The following NLK variants were observed in gnomAD, a reference collection of about 807,000 sequenced individuals.
The protein encoded by NLK is serine/threonine-protein kinase NLK.
Under a neutral mutation model 59.0 loss-of-function variants are expected in NLK, and 11 were observed. The ratio of observed to expected loss-of-function variants is 0.19; its 90% CI spans 0.12 to 0.31. NLK has a LOEUF of 0.31. Ranked by LOEUF, NLK falls within the 10% of genes least tolerant of loss-of-function variation. NLK has a pLI of 1.00. For missense variants in NLK, 410 were observed against 661.1 expected (o/e 0.62, Z 4.16); for synonymous variants, 235 against 235.9 (o/e 1.00, Z 0.03).
At chr17:28,078,550 C>G (rs1266239556) in intron 1 of NLK, among the ~76,000 whole-genome samples, 1 of 152,100 alleles carries the variant, frequency 6.6e-6, no homozygotes, top group East Asian at 1.9e-4. Context: ...ATTGTTATCT[C>G]TTTCTGCCAG....
chr17:28,184,516 G>A (rs962660849), intron 7 of NLK, among the ~76,000 whole-genome samples: 33 of 152,038 alleles, frequency 2.2e-4, no homozygotes, highest in East Asian at 1.7e-3. Flanking sequence ...TCCCGTGTAC[G>A]CACGATAAAT....
chr17:28,043,621 T>C (rs2142727028), intron 1 of NLK, among the ~76,000 whole-genome samples: 1 of 152,368 alleles, frequency 6.6e-6, no homozygotes, highest in Non-Finnish European at 1.5e-5. Context: ...GATCAGTAGA[T>C]GAATGTATGC....
chr17:28,114,767 A>G (rs1310699848), intron 1 of NLK, among the ~76,000 whole-genome samples: 1 of 152,118 alleles, frequency 6.6e-6, no homozygotes, highest in Non-Finnish European at 1.5e-5. Flanking sequence ...TTGTTTTTCC[A>G]TGTGGATATT....
intron 3 of NLK, among the ~76,000 whole-genome samples, chr17:28,134,105 A>T (rs1158821181): frequency 6.6e-6 from 1 of 152,146 alleles, no homozygotes; most frequent in Non-Finnish European, 1.5e-5. Flanking sequence ...AAAAAAATAA[A>T]AAGTATAGTG....
Position 28,172,436 on chromosome 17 carries a change from C to T in NLK, c.1048-81C>T, listed in dbSNP as rs1908501521. On this transcript the variant is annotated intron_variant, in intron 6 of 10. Transcript: ENST00000407008. ...GGTTTTTTCCCCCAGATTTGGTCCA[C>T]TTCTCTAAGGCTATGATTTAAGAGT... is the stretch of plus-strand genomic sequence containing the variant. 3 of 906,020 alleles carry T rather than the reference C, an allele frequency of 3.3e-6. 1 individual carries two copies. The highest frequency in any genetic ancestry group is 3.5e-5 in the African/African-American group (2 of 57,770). The allele number at this position is 906,020 out of a possible 1,614,324, so 56.1% of individuals were successfully genotyped here.
At chr17:28,161,412 A>G (rs897933294) in intron 4 of NLK, 146 bp downstream of exon 4, 32 of 552,206 alleles carry the variant, frequency 5.8e-5, no homozygotes, top group African/African-American at 9.4e-5. Context: ...TATAATTTCT[A>G]TATTTAATGT....
intron 8 of NLK, 132 bp from the exon 9 acceptor site, chr17:28,190,889 C>T (rs1909282475): frequency 1.7e-6 from 1 of 602,986 alleles, no homozygotes; most frequent in African/African-American, 1.9e-5. Context: ...ATTCAATTAT[C>T]CCTCTTTGGA....
At chr17:28,079,671 T>G (rs1910278603) in intron 1 of NLK, among the ~76,000 whole-genome samples, 1 of 152,224 alleles carries the variant, frequency 6.6e-6, no homozygotes, top group African/African-American at 2.4e-5. Flanking sequence ...TTGCCCATTT[T>G]TAAAATCAGG....
At chr17:28,127,432 A>G (rs1906336422) in intron 2 of NLK, among the ~76,000 whole-genome samples, 1 of 152,242 alleles carries the variant, frequency 6.6e-6, no homozygotes. Context: ...TGCTGTTCAG[A>G]CATTAGTAAT....
At chr17:28,077,471 A>G (rs1233250146) in intron 1 of NLK, among the ~76,000 whole-genome samples, 2 of 152,154 alleles carry the variant, frequency 1.3e-5, no homozygotes, top group Non-Finnish European at 2.9e-5. Context: ...ACATGTAGGA[A>G]TTATGGGAGT....
At chr17:28,077,845 T>C (rs1455758174) in intron 1 of NLK, among the ~76,000 whole-genome samples, 1 of 152,214 alleles carries the variant, frequency 6.6e-6, no homozygotes, top group Non-Finnish European at 1.5e-5. Flanking sequence ...AACCTTATTT[T>C]AAATTCCTAT....
intron 1 of NLK, among the ~76,000 whole-genome samples, chr17:28,119,958 A>G (rs1016115979): frequency 6.6e-6 from 1 of 152,208 alleles, no homozygotes; most frequent in African/African-American, 2.4e-5. Flanking sequence ...CCTGGTCTGT[A>G]TATTTCACAA....
chr17:28,087,700 A>G (rs1213255517), intron 1 of NLK, among the ~76,000 whole-genome samples: 1 of 151,948 alleles, frequency 6.6e-6, no homozygotes, highest in Non-Finnish European at 1.5e-5. Flanking sequence ...GGAAATTTGG[A>G]TTTTATTTAT....
chr17:28,094,433 T>A (rs541913760), intron 1 of NLK, among the ~76,000 whole-genome samples: 1 of 152,242 alleles, frequency 6.6e-6, no homozygotes, highest in Non-Finnish European at 1.5e-5. Context: ...TATGGCCACT[T>A]GCCTTTTGCT....
chr17:28,142,729 A>T (rs964555185), intron 3 of NLK, among the ~76,000 whole-genome samples: 1 of 152,172 alleles, frequency 6.6e-6, no homozygotes, highest in African/African-American at 2.4e-5. Flanking sequence ...TGGAAGAAAA[A>T]AAAAACGAGC....
chr17:28,154,300 ATCT>A (rs754484129), intron 3 of NLK, among the ~76,000 whole-genome samples: 1 of 152,168 alleles, frequency 6.6e-6, no homozygotes, highest in Admixed American at 6.5e-5. Context: ...CGATGCTCAG[ATCT>A]TCTTCCCTCA....
intron 8 of NLK, among the ~76,000 whole-genome samples, chr17:28,188,886 C>G (rs1909212977): frequency 6.6e-6 from 1 of 152,130 alleles, no homozygotes; most frequent in Admixed American, 6.5e-5. Flanking sequence ...ACTGCCATCA[C>G]ATGTCTGCTC....
chr17:28,157,013 G>A (rs1907777047), intron 3 of NLK, among the ~76,000 whole-genome samples: 1 of 151,874 alleles, frequency 6.6e-6, no homozygotes, highest in African/African-American at 2.4e-5. Context: ...TGTGATAGTT[G>A]TGGGGGGTTT....
chr17:28,089,162 A>G (rs1023940475), intron 1 of NLK, among the ~76,000 whole-genome samples: 4 of 152,156 alleles, frequency 2.6e-5, no homozygotes, highest in African/African-American at 9.7e-5. Flanking sequence ...ACATGAAACT[A>G]TTGCCTCAGT....
Sources: gnomAD v4.1 joint callset for allele counts (sites outside exome capture counted in the v4.1 genomes callset) on GRCh38, gnomAD v4.1.1 for gene constraint, MANE v1.5 for transcripts, NCBI Gene and HGNC (gene_info 2026-07-23, HGNC 2026-07-21) for gene names.